The following MTHFD1L variants were observed in gnomAD, a reference collection of about 807,000 sequenced individuals.
MTHFD1L encodes methylenetetrahydrofolate dehydrogenase (NADP+ dependent) 1 like.
In MTHFD1L, 81 loss-of-function variants were observed where a neutral mutation model predicts 119.5. That is an observed-to-expected ratio of 0.68 (90% CI 0.57 to 0.82). The LOEUF (loss-of-function observed/expected upper bound fraction) is 0.82, where lower values mean the gene tolerates loss of function less well. Among genes scored for constraint, MTHFD1L ranks in the 40% least tolerant of loss-of-function variants. MTHFD1L has a pLI of 0.00. For missense variants in MTHFD1L, 1,125 were observed against 1,253.4 expected (o/e 0.90, Z 1.55); for synonymous variants, 430 against 475.2 (o/e 0.90, Z 1.24).
chr6:151,101,326 A>G (rs1795353003), intron 27 of MTHFD1L, among the ~76,000 whole-genome samples, 200 bp from the exon 28 acceptor site: 1 of 152,122 alleles, frequency 6.6e-6, no homozygotes, highest in South Asian at 2.1e-4. Context: ...GCTCTTATAG[A>G]GTGGTGCAGA....
chr6:151,061,977 G>A (rs1470803203), intron 26 of MTHFD1L, among the ~76,000 whole-genome samples: 3 of 152,166 alleles, frequency 2.0e-5, no homozygotes, highest in Non-Finnish European at 4.4e-5. Context: ...GCCCTTGTAA[G>A]TTTGGTTAAT....
At chr6:151,017,471 C>T (rs932038355) in intron 24 of MTHFD1L, among the ~76,000 whole-genome samples, 11 of 151,902 alleles carry the variant, frequency 7.2e-5, no homozygotes, top group Non-Finnish European at 1.3e-4. Context: ...CTCAGGCTCC[C>T]GAGTAGCTGG....
At chr6:151,044,607 A>T (rs546244829) in intron 26 of MTHFD1L, among the ~76,000 whole-genome samples, 1 of 152,136 alleles carries the variant, frequency 6.6e-6, no homozygotes, top group Middle Eastern at 3.4e-3. Flanking sequence ...GGCCAACTAC[A>T]TGCTTTTTTC....
At chr6:151,028,972 G>A (rs138786212) in intron 24 of MTHFD1L, among the ~76,000 whole-genome samples, 10 of 152,188 alleles carry the variant, frequency 6.6e-5, no homozygotes, top group African/African-American at 1.4e-4. Context: ...ACAGTATGCT[G>A]AGGTAAGAGG....
intron 11 of MTHFD1L, among the ~76,000 whole-genome samples, chr6:150,932,468 C>T (rs111363887): frequency 0.011 from 1,649 of 152,058 alleles, 11 homozygotes; most frequent in Middle Eastern, 0.024. Context: ...ACTCTAAGCT[C>T]CCATAGAAAA....
At chr6:151,071,989 C>T (rs377676903) in intron 26 of MTHFD1L, among the ~76,000 whole-genome samples, 1 of 151,986 alleles carries the variant, frequency 6.6e-6, no homozygotes, top group East Asian at 1.9e-4. Context: ...ATTCCAGGCA[C>T]CCACCACCAC....
At chr6:150,979,071 C>G (rs887538586) in intron 20 of MTHFD1L, among the ~76,000 whole-genome samples, 1 of 152,130 alleles carries the variant, frequency 6.6e-6, no homozygotes, top group Non-Finnish European at 1.5e-5. Context: ...GAAACCCTGT[C>G]TCTGCTGAAA....
chr6:151,070,168 G>A (rs1791806227), intron 26 of MTHFD1L, among the ~76,000 whole-genome samples: 1 of 152,118 alleles, frequency 6.6e-6, no homozygotes, highest in Non-Finnish European at 1.5e-5. Flanking sequence ...TGCAGATTAG[G>A]TTTTATAAAT....
intron 20 of MTHFD1L, among the ~76,000 whole-genome samples, chr6:150,988,224 G>A (rs1020174290): frequency 6.6e-6 from 1 of 152,104 alleles, no homozygotes; most frequent in Admixed American, 6.5e-5. Flanking sequence ...TTCATAAAAT[G>A]CATAAGCTTT....
At chr6:150,978,519 A>G (rs1776968306) in intron 20 of MTHFD1L, among the ~76,000 whole-genome samples, 2 of 152,190 alleles carry the variant, frequency 1.3e-5, no homozygotes, top group Non-Finnish European at 2.9e-5. Context: ...CAAGTGCCCA[A>G]TTAAAACACA....
chr6:151,017,894 G>A (rs1389465745), intron 24 of MTHFD1L, among the ~76,000 whole-genome samples: 1 of 147,052 alleles, frequency 6.8e-6, no homozygotes, highest in Admixed American at 6.8e-5. Context: ...GAGTGCAGTG[G>A]CGCAATCTCG....
At chr6:150,890,465 C>T (rs927065622) in intron 7 of MTHFD1L, among the ~76,000 whole-genome samples, 6 of 152,088 alleles carry the variant, frequency 3.9e-5, no homozygotes, top group African/African-American at 9.7e-5. Context: ...CCCTGTGGAA[C>T]GGTGACTATT....
At chr6:150,924,623 C>A (rs955696500) in intron 10 of MTHFD1L, among the ~76,000 whole-genome samples, 1 of 151,942 alleles carries the variant, frequency 6.6e-6, no homozygotes, top group Non-Finnish European at 1.5e-5. Flanking sequence ...ACTACAGGTG[C>A]CACCACCACA....
intron 20 of MTHFD1L, among the ~76,000 whole-genome samples, chr6:151,003,598 C>T (rs183779217): frequency 4.6e-5 from 7 of 152,204 alleles, no homozygotes; most frequent in African/African-American, 1.7e-4. Context: ...TAATCTTTCC[C>T]ATCTTTGTCA....
intron 26 of MTHFD1L, among the ~76,000 whole-genome samples, chr6:151,042,892 G>A (rs1479390546): frequency 1.3e-5 from 2 of 152,100 alleles, no homozygotes; most frequent in African/African-American, 2.4e-5. Flanking sequence ...AGTAAATAGG[G>A]CGATGATAAA....
chr6:150,940,411 C>T (rs960653624), intron 13 of MTHFD1L, among the ~76,000 whole-genome samples: 3 of 151,838 alleles, frequency 2.0e-5, no homozygotes, highest in African/African-American at 7.3e-5. Context: ...GGGATGGGTA[C>T]CATTCATGAG....
At chr6:150,932,816 G>GAGGAAGGAAGGAAAGAAAGAAGGAAGGA (rs769300755) in intron 11 of MTHFD1L, among the ~76,000 whole-genome samples, 1 of 119,484 alleles carries the variant, frequency 8.4e-6, no homozygotes, top group African/African-American at 3.3e-5. Context: ...GAGAGGGAGG[G>GAGGAAGGAAGGAAAGAAAGAAGGAAGGA]AGGAAGGAAG....
At chr6:151,060,728 T>C (rs1790511920) in intron 26 of MTHFD1L, among the ~76,000 whole-genome samples, 1 of 152,040 alleles carries the variant, frequency 6.6e-6, no homozygotes, top group African/African-American at 2.4e-5. Flanking sequence ...AAACAGGAGA[T>C]TTGGAATGAG....
chr6:150,922,148 G>A, intron 9 of MTHFD1L, 57 bp from the exon 10 acceptor site: 1 of 1,252,012 alleles, frequency 8.0e-7, no homozygotes, highest in Non-Finnish European at 1.2e-6. Context: ...TGGTTTAAGT[G>A]TGTGCCCTGT....
Sources: allele counts gnomAD v4.1 joint callset (sites outside exome capture counted in the v4.1 genomes callset), GRCh38; gene constraint gnomAD v4.1.1; transcripts MANE v1.5; gene names NCBI Gene and HGNC (gene_info 2026-07-23, HGNC 2026-07-21).